Variants in ZC3H3 observed in about 807,000 individuals in gnomAD.
ZC3H3 encodes the protein zinc finger CCCH-type containing 3.
In ZC3H3, 36 loss-of-function variants were observed where a neutral mutation model predicts 77.3. The ratio of observed to expected loss-of-function variants is 0.47; its 90% CI spans 0.36 to 0.61. ZC3H3 has a LOEUF of 0.61. ZC3H3 is among the 20% of genes least tolerant of loss of function. The pLI is 0.00. For missense variants in ZC3H3, 1,331 were observed against 1,312.2 expected (o/e 1.01, Z -0.22); for synonymous variants, 626 against 555.2 (o/e 1.13, Z -1.79).
In ZC3H3 at chr8:143,504,496, T is replaced by C. The variant is rs114414914; in HGVS notation, c.1715+3250A>G. On this transcript the variant is annotated intron_variant, in intron 4 of 11. Coordinates refer to ENST00000262577, the MANE Select transcript of ZC3H3 (RefSeq NM_015117.3). ...TTCCTCTCAGGACGGGTGGTAGAGG[T>C]CCTGCCCCCTCCTCCGTCTTTGGGG... Among the ~76,000 whole-genome samples, 1,318 of 152,096 alleles carry C rather than the reference T, an allele frequency of 8.7e-3. 20 individuals are homozygous for C. Among genetic ancestry groups the C allele is most frequent in the African/African-American group, 0.03 (1,250 of 41,484 alleles).
chr8:143,501,059 C>T (rs563306066), intron 4 of ZC3H3, among the ~76,000 whole-genome samples: 7 of 151,492 alleles, frequency 4.6e-5, no homozygotes, highest in Non-Finnish European at 8.8e-5. Flanking sequence ...TCAAGTGATC[C>T]GCCTATCTCG....
chr8:143,464,986 G>T (rs1820369040), intron 9 of ZC3H3, among the ~76,000 whole-genome samples: 1 of 152,146 alleles, frequency 6.6e-6, no homozygotes, highest in Non-Finnish European at 1.5e-5. Flanking sequence ...CGCTGCTTGT[G>T]GCGGGGAGTC....
In ZC3H3 at chr8:143,462,216, G is replaced by A. The variant is rs537205320; in HGVS notation, c.2307+3501C>T. 8.9e-4 allele frequency among the ~76,000 whole-genome samples: 136 copies of A among 152,248 alleles called. No homozygotes were observed. Among genetic ancestry groups the A allele is most frequent in the Non-Finnish European group, 1.6e-3 (106 of 68,010 alleles). On this transcript the variant is annotated intron_variant, in intron 9 of 11. Transcript: ENST00000262577. The surrounding 1 kb of genome is among the most constrained non-coding windows in gnomAD (Gnocchi z 4.7). ...ACGACCCTCTGAGATAGGCAGTGCCGTTATCCCGACTGTATATAAAAGGAG... is the reference window on the plus strand; with the variant it reads ...ACGACCCTCTGAGATAGGCAGTGCCATTATCCCGACTGTATATAAAAGGAG...
chr8:143,507,764 C>A lies in ZC3H3; in HGVS notation c.1697G>T (p.Arg566Leu), dbSNP rs762016722. 6.3e-7 allele frequency: 1 copy of A among 1,584,572 alleles called. No homozygotes were observed. The highest frequency in any genetic ancestry group is 8.6e-7 in the Non-Finnish European group (1 of 1,166,466). ...FPLSLPSWRA[R>L]RLSLSRSLVL... ...TTCCTACCTGGATAGTGAGAGCCGC[C>A]GGGCCCGCCAGGAGGGCAGAGACAG... The change falls in exon 4 of 12, where the codon CGG becomes CTG. Residue 566 changes from arginine to leucine, a missense_variant. This residue lies in a region of ZC3H3 where 978 missense variants were observed against 915.5 expected (regional missense o/e 1.07). Coordinates refer to ENST00000262577, the MANE Select transcript of ZC3H3 (RefSeq NM_015117.3).
intron 3 of ZC3H3, among the ~76,000 whole-genome samples, chr8:143,534,676 G>A (rs1294492985): frequency 2.0e-5 from 3 of 151,950 alleles, no homozygotes; most frequent in Admixed American, 6.6e-5. Context: ...AGGGGATACC[G>A]CCAACTGTCC....
At chr8:143,532,862 G>A (rs1408297901) in intron 3 of ZC3H3, among the ~76,000 whole-genome samples, 1 of 152,130 alleles carries the variant, frequency 6.6e-6, no homozygotes, top group Non-Finnish European at 1.5e-5. Context: ...CTCCCCTGCG[G>A]CCAGCTTGGA....
intron 9 of ZC3H3, among the ~76,000 whole-genome samples, chr8:143,450,621 T>C (rs1819963794): frequency 6.6e-6 from 1 of 152,126 alleles, no homozygotes; most frequent in South Asian, 2.1e-4. Context: ...GGCGAGGCAC[T>C]TCACGCGGCT....
chr8:143,468,799 A>G (rs1820484951), intron 5 of ZC3H3, 140 bp from the exon 6 acceptor site: 1 of 1,141,254 alleles, frequency 8.8e-7, no homozygotes, highest in South Asian at 1.6e-5. Flanking sequence ...AACTGCCCAG[A>G]GCTCCCCTCC....
intron 4 of ZC3H3, 31 bp from the exon 5 acceptor site, chr8:143,475,616 G>C: frequency 1.3e-6 from 2 of 1,548,690 alleles, no homozygotes; most frequent in Non-Finnish European, 1.7e-6. Context: ...CGTCAAACCT[G>C]GCCCCAGGAC....
chr8:143,489,225 C>T (rs1430977101), intron 4 of ZC3H3, among the ~76,000 whole-genome samples: 1 of 152,214 alleles, frequency 6.6e-6, no homozygotes, highest in Non-Finnish European at 1.5e-5. Flanking sequence ...GGTCTGGTAC[C>T]TATGCCCTAA....
intron 4 of ZC3H3, among the ~76,000 whole-genome samples, chr8:143,476,878 A>G (rs993257815): frequency 2.6e-5 from 4 of 152,208 alleles, no homozygotes; most frequent in African/African-American, 9.6e-5. Flanking sequence ...CCACAGCCGC[A>G]GGAGACCCTT....
intron 4 of ZC3H3, among the ~76,000 whole-genome samples, chr8:143,483,691 A>G (rs1820970869): frequency 1.3e-5 from 2 of 152,196 alleles, no homozygotes; most frequent in Admixed American, 1.3e-4. Flanking sequence ...CGTGGTGGCC[A>G]CGCAGGCCTC....
At chr8:143,519,958 C>A (rs1218068946) in intron 3 of ZC3H3, among the ~76,000 whole-genome samples, 4 of 152,194 alleles carry the variant, frequency 2.6e-5, no homozygotes, top group Non-Finnish European at 5.9e-5. Context: ...AGACGCAAAC[C>A]ACCCCCCAGC....
chr8:143,473,060 G>A (rs1052690394), intron 5 of ZC3H3, among the ~76,000 whole-genome samples: 7 of 152,202 alleles, frequency 4.6e-5, no homozygotes, highest in Non-Finnish European at 1.0e-4. Context: ...TGGGGCTCTC[G>A]CGTACGTCAG....
chr8:143,443,433 A>G (rs887390718), intron 9 of ZC3H3, among the ~76,000 whole-genome samples: 13 of 152,178 alleles, frequency 8.5e-5, no homozygotes, highest in Non-Finnish European at 1.5e-4. Flanking sequence ...TCTCATGTTC[A>G]CTAATGAAAA....
At chr8:143,484,831 C>T (rs142554438) in intron 4 of ZC3H3, 19 of 449,260 alleles carry the variant, frequency 4.2e-5, no homozygotes, top group South Asian at 2.1e-4. Context: ...GACATCCCCC[C>T]ACTCCCAGGC....
chr8:143,513,194 C>T (rs1355789043), intron 3 of ZC3H3, among the ~76,000 whole-genome samples: 2 of 152,150 alleles, frequency 1.3e-5, no homozygotes, highest in Non-Finnish European at 2.9e-5. Context: ...GGGACCATGC[C>T]GCCCTCAGGA....
chr8:143,464,769 C>T (rs918375816), intron 9 of ZC3H3, among the ~76,000 whole-genome samples: 4 of 152,174 alleles, frequency 2.6e-5, no homozygotes, highest in Admixed American at 2.6e-4. Context: ...GGCCCCGGGG[C>T]TCCCTCCCAA....
intron 5 of ZC3H3, among the ~76,000 whole-genome samples, chr8:143,471,366 G>A (rs1820558437): frequency 6.6e-6 from 1 of 152,244 alleles, no homozygotes; most frequent in Non-Finnish European, 1.5e-5. Flanking sequence ...GTCACCCCAG[G>A]GAGGGTGGGC....
Sources: allele counts gnomAD v4.1 joint callset (sites outside exome capture counted in the v4.1 genomes callset), GRCh38; gene constraint gnomAD v4.1.1; regional missense constraint gnomAD v4.1.1; non-coding constraint Gnocchi (gnomAD v3.1); transcripts MANE v1.5; gene names NCBI Gene and HGNC (gene_info 2026-07-23, HGNC 2026-07-21).